The following KLC2 variants were observed in gnomAD, a reference collection of about 807,000 sequenced individuals.
KLC2 encodes the protein kinesin light chain 2.
A neutral mutation model predicts 75.1 loss-of-function variants in KLC2; 35 were observed. The ratio of observed to expected loss-of-function variants is 0.47; its 90% CI spans 0.36 to 0.62. The LOEUF (loss-of-function observed/expected upper bound fraction) is 0.62, where lower values mean the gene tolerates loss of function less well. Among genes scored for constraint, KLC2 ranks in the 20% least tolerant of loss-of-function variants. The pLI is 0.00. For synonymous variants in KLC2, 314 were observed against 336.7 expected (o/e 0.93, Z 0.74); for missense variants, 611 against 833.2 (o/e 0.73, Z 3.28).
At position 66,261,807 on chromosome 11, in the gene KLC2, G is replaced by T. The variant is rs779968196; in HGVS notation, c.294G>T (p.Gln98His). ...CAGAGAAGCAGAAGCTGCGGGCGCAGGTGCGGCGTCTGGTGCAGGAGAACC... is the reference window on the plus strand; with the variant it reads ...CAGAGAAGCAGAAGCTGCGGGCGCATGTGCGGCGTCTGGTGCAGGAGAACC... ...VESEKQKLRA[Q>H]VRRLVQENQW... Residue 98 changes from glutamine (Q) to histidine (H), a missense_variant, in exon 3 of 16, where the codon CAG becomes CAT. Coordinates refer to ENST00000394067, the MANE Select transcript of KLC2 (RefSeq NM_001318734.2). 6.2e-7 allele frequency: 1 copy of T among 1,613,242 alleles called. No homozygotes were observed. Among genetic ancestry groups the T allele is most frequent in the South Asian group, 1.1e-5 (1 of 91,042 alleles).
At position 66,267,160 on chromosome 11, in the gene KLC2, A is replaced by G. The variant is rs1235300684; in HGVS notation, c.*204A>G. On this transcript the variant is annotated 3_prime_UTR_variant, in exon 16 of 16. Coordinates refer to ENST00000394067, the MANE Select transcript of KLC2 (RefSeq NM_001318734.2). ...CCCACTCCAGCTCCATCCCTTATTT[A>G]TTCCTTCCAGCAGGGCCCTCTTCCC... 19 of 1,544,512 alleles carry G rather than the reference A, an allele frequency of 1.2e-5. No individual in the cohort carries two copies. Among genetic ancestry groups the G allele is most frequent in the Non-Finnish European group, 1.4e-5 (16 of 1,143,540 alleles).
At chr11:66,264,945 C>G in intron 9 of KLC2, 78 bp from the exon 10 acceptor site, 1 of 1,448,428 alleles carries the variant, frequency 6.9e-7, no homozygotes, top group Non-Finnish European at 9.5e-7. Context: ...CTCCCCTCCC[C>G]TGACCCCAGT....
chr11:66,262,426 G>A, intron 4 of KLC2: 1 of 576,114 alleles, frequency 1.7e-6, no homozygotes, highest in Non-Finnish European at 3.1e-6. Context: ...GTGCTGCTCT[G>A]CCACTAGCTT....
the KLC2 span, chr11:66,244,015 G>C: frequency 6.6e-6 from 1 of 152,456 alleles, no homozygotes; most frequent in African/African-American, 2.4e-5. Context: ...TGTGTGTCCT[G>C]AGTGTTTCTT....
At chr11:66,257,225 C>T (rs1856074793), upstream of KLC2, 2 of 152,196 alleles carry the variant, frequency 1.3e-5, no homozygotes, top group African/African-American at 4.8e-5. Context: ...GGCGCTGAAC[C>T]ACCTCTGTCA....
At chr11:66,254,961 C>A (rs1855992123), upstream of KLC2, among the ~76,000 whole-genome samples, 1 of 151,812 alleles carries the variant, frequency 6.6e-6, no homozygotes, top group Admixed American at 6.6e-5. Flanking sequence ...CCAGGATTCA[C>A]CCTGGCACCA....
rs772652616 is a variant in KLC2 at position 66,264,396 on chromosome 11, A to G, written c.1168A>G (p.Lys390Glu). The G allele has an allele frequency of 1.9e-6, 3 of 1,613,704 alleles. No homozygotes were observed. Among genetic ancestry groups the G allele is most frequent in the Admixed American group, 1.7e-5 (1 of 59,984 alleles). The change falls in exon 9 of 16, where the codon AAG (lysine) becomes GAG (glutamate). Residue 390 changes from lysine (K) to glutamate (E), a missense_variant. Transcript: ENST00000394067. ...GTACCAGGATGCGGAGACCTTGTAC[A>G]AGGAGATCCTCACCCGCGCTCATGA... is the stretch of plus-strand genomic sequence containing the variant. ...GKYQDAETLY[K>E]EILTRAHEKE... is the part of the protein sequence containing the mutation.
chr11:66,260,496 C>T (rs1856317135), intron 2 of KLC2, among the ~76,000 whole-genome samples: 1 of 152,170 alleles, frequency 6.6e-6, no homozygotes, highest in African/African-American at 2.4e-5. Context: ...GGGTGGAGGC[C>T]GGGTGTGGTG....
At position 66,258,565 on chromosome 11, in the gene KLC2, C is replaced by T; in HGVS notation, c.-11-19C>T. ...GCCCCAGGCCCGGCGCCCGCCTGCC[C>T]GCACCCTCGTCCTCACAGACGCCAC... On this transcript the variant is annotated intron_variant, in intron 1 of 15. Transcript: ENST00000394067. 3 of 1,567,034 alleles carry T rather than the reference C, an allele frequency of 1.9e-6. No individual in the cohort carries two copies. Among genetic ancestry groups the T allele is most frequent in the Non-Finnish European group, 1.8e-6 (2 of 1,141,010 alleles).
At chr11:66,248,447 C>A in the KLC2 span, among the ~76,000 whole-genome samples, 2 of 152,046 alleles carry the variant, frequency 1.3e-5, no homozygotes, top group African/African-American at 4.8e-5. Flanking sequence ...TGGTGAAACC[C>A]CATCTCTACT....
chr11:66,246,850 C>G, the KLC2 span, among the ~76,000 whole-genome samples: 1 of 152,188 alleles, frequency 6.6e-6, no homozygotes, highest in Non-Finnish European at 1.5e-5. Context: ...TTCCACCTGG[C>G]CTGTGGACAG....
chr11:66,247,651 T>G, the KLC2 span, among the ~76,000 whole-genome samples: 2 of 151,708 alleles, frequency 1.3e-5, no homozygotes, highest in Non-Finnish European at 2.9e-5. Flanking sequence ...TACTCATATT[T>G]CCCACTCCTT....
chr11:66,252,032 G>A, the KLC2 span, among the ~76,000 whole-genome samples: 4 of 152,168 alleles, frequency 2.6e-5, no homozygotes, highest in South Asian at 2.1e-4. Context: ...GGGCACCTAC[G>A]GTCCACACTA....
At chr11:66,244,114 T>A in the KLC2 span, 2 of 152,292 alleles carry the variant, frequency 1.3e-5, no homozygotes, top group Non-Finnish European at 2.9e-5. Context: ...CCCTTGTTAA[T>A]GATGCTCCTG....
At chr11:66,262,697 A>G (rs1172294130) in intron 4 of KLC2, 117 bp from the exon 5 acceptor site, 6 of 715,834 alleles carry the variant, frequency 8.4e-6, no homozygotes, top group Admixed American at 2.2e-5. Flanking sequence ...ACTGAGAAAG[A>G]GTGGTTAGTG....
the KLC2 span, among the ~76,000 whole-genome samples, chr11:66,249,053 G>A: frequency 6.6e-6 from 1 of 152,196 alleles, no homozygotes. Flanking sequence ...GATCCTTTGG[G>A]CTGTGACATT....
chr11:66,245,444 G>A, the KLC2 span, among the ~76,000 whole-genome samples: 3 of 152,062 alleles, frequency 2.0e-5, no homozygotes, highest in Non-Finnish European at 4.4e-5. Flanking sequence ...TTGGCTGGGT[G>A]CGGTGGCTCA....
chr11:66,262,883 C>A lies in KLC2; in HGVS notation c.599C>A (p.Thr200Asn), dbSNP rs1367736453. ...GGYEIPARLR[T>N]LHNLVIQYAS... is the part of the protein sequence containing the mutation. Reference sequence around the variant, plus strand: ...TACGAGATCCCGGCCCGGCTCCGCACCCTGCACAACCTGGTGATCCAATAC... The same window carrying A: ...TACGAGATCCCGGCCCGGCTCCGCAACCTGCACAACCTGGTGATCCAATAC... The change falls in exon 5 of 16, where the codon ACC (threonine) becomes AAC (asparagine). Residue 200 changes from threonine to asparagine, a missense_variant. By Grantham distance (65) the Thr-to-Asn change is moderately conservative. Coordinates refer to ENST00000394067, the MANE Select transcript of KLC2 (RefSeq NM_001318734.2). 39 of 1,613,758 alleles carry A rather than the reference C, an allele frequency of 2.4e-5. No individual in the cohort carries two copies. Among genetic ancestry groups the A allele is most frequent in the Non-Finnish European group, 3.1e-5 (36 of 1,179,958 alleles).
chr11:66,256,741 G>C (rs1346859550), upstream of KLC2, among the ~76,000 whole-genome samples: 1 of 152,214 alleles, frequency 6.6e-6, no homozygotes, highest in Non-Finnish European at 1.5e-5. Flanking sequence ...GTGTAAAATA[G>C]AGGGTCTTCA....
Sources: gnomAD v4.1 joint callset for allele counts (sites outside exome capture counted in the v4.1 genomes callset) on GRCh38, gnomAD v4.1.1 for gene constraint, MANE v1.5 for transcripts, NCBI Gene and HGNC (gene_info 2026-07-23, HGNC 2026-07-21) for gene names.